Variants in AAMDC observed in about 807,000 individuals in gnomAD.
AAMDC encodes adipogenesis associated Mth938 domain containing.
Under a neutral mutation model 15.5 loss-of-function variants are expected in AAMDC, and 16 were observed. The ratio of observed to expected loss-of-function variants is 1.03; its 90% CI spans 0.70 to 1.57. The LOEUF (loss-of-function observed/expected upper bound fraction) is 1.57, where lower values mean the gene tolerates loss of function less well. Among genes scored for constraint, AAMDC ranks in the 40% most tolerant of loss-of-function variants. The probability of loss-of-function intolerance (pLI) is 0.00; values close to 1 mark genes in which losing one functional copy is unlikely to be tolerated. For missense variants in AAMDC, 141 were observed against 144.9 expected, an observed-to-expected ratio of 0.97 and a Z score of 0.14; for synonymous variants, 51 against 51.6, an observed-to-expected ratio of 0.99 and a Z score of 0.05.
intron 2 of AAMDC, chr11:77,869,316 T>TTC (rs202023611): frequency 3.7e-5 from 6 of 161,132 alleles, no homozygotes; most frequent in Non-Finnish European, 5.2e-5. Context: ...CTTTTTCTTT[T>TTC]TTTTTTTTTT....
intron 1 of AAMDC, among the ~76,000 whole-genome samples, chr11:77,835,243 C>A (rs1021226230): frequency 1.3e-5 from 2 of 152,116 alleles, no homozygotes; most frequent in Non-Finnish European, 2.9e-5. Flanking sequence ...CCCTTTGCCC[C>A]GTCCCACTTT....
chr11:77,885,964 G>A lies in AAMDC; in HGVS notation c.328+8915G>A, dbSNP rs73499836. Among the ~76,000 whole-genome samples, 536 of 152,264 alleles carry A rather than the reference G, an allele frequency of 3.5e-3. 7 individuals are homozygous for A. The highest frequency in any genetic ancestry group is 0.012 in the African/African-American group (496 of 41,534). On this transcript the variant is annotated intron_variant, in intron 5 of 5. Transcript: ENST00000304716. ...GCCTATAATCCCAGCATTTTGCGGG[G>A]CTGAGGCGGGAGGATTGCTTGAAGA...
chr11:77,879,046 C>T (rs1387356555), intron 5 of AAMDC: 2 of 1,614,032 alleles, frequency 1.2e-6, no homozygotes, highest in Non-Finnish European at 8.5e-7. Flanking sequence ...TGACATCTCA[C>T]CACCCTCCAT....
chr11:77,844,318 C>T (rs1320083789), intron 2 of AAMDC, among the ~76,000 whole-genome samples: 1 of 152,094 alleles, frequency 6.6e-6, no homozygotes, highest in African/African-American at 2.4e-5. Context: ...AAAGGACACA[C>T]ATATTAAGTC....
chr11:77,878,167 C>T (rs1028059891), intron 5 of AAMDC, among the ~76,000 whole-genome samples: 3 of 152,030 alleles, frequency 2.0e-5, no homozygotes, highest in East Asian at 3.9e-4. Context: ...TCAAGACCAT[C>T]CTGGCTAACA....
chr11:77,852,224 C>CAAAAAAAA lies in AAMDC; in HGVS notation c.132+9606_132+9613dup, dbSNP rs545742213. On this transcript the variant is annotated intron_variant, in intron 2 of 3. Transcript: ENST00000393427. The stretch of plus-strand genomic sequence containing the variant: ...TGGCCAACAGAATGAGACACTGTCT[C>CAAAAAAAA]AAAAAAAAAAAAAAAAAGAAGAAGA... 8.1e-4 allele frequency among the ~76,000 whole-genome samples: 27 copies of CAAAAAAAA among 33,426 alleles called. 1 individual carries two copies. Among genetic ancestry groups the CAAAAAAAA allele is most frequent in the African/African-American group, 2.9e-3 (16 of 5,596 alleles). 21.9% of individuals were successfully genotyped at this position (33,426 alleles called of 152,430 possible).
downstream of AAMDC, among the ~76,000 whole-genome samples, chr11:77,902,168 A>G: frequency 6.6e-6 from 1 of 152,130 alleles, no homozygotes; most frequent in African/African-American, 2.4e-5. Context: ...ATGACTCCAG[A>G]CTCTCTTACA....
intron 5 of AAMDC, among the ~76,000 whole-genome samples, chr11:77,896,803 T>C (rs1952543701): frequency 6.8e-6 from 1 of 147,482 alleles, no homozygotes; most frequent in African/African-American, 2.5e-5. Flanking sequence ...AAAGAAATAA[T>C]GGAGGAAAAA....
chr11:77,899,410 G>A (rs1204374225), intron 5 of AAMDC, among the ~76,000 whole-genome samples: 1 of 152,110 alleles, frequency 6.6e-6, no homozygotes, highest in Admixed American at 6.5e-5. Flanking sequence ...GGTGGCTCAC[G>A]CCTGTAATCC....
chr11:77,835,041 G>C (rs2136097108), intron 1 of AAMDC, among the ~76,000 whole-genome samples: 1 of 152,284 alleles, frequency 6.6e-6, no homozygotes, highest in South Asian at 2.1e-4. Flanking sequence ...TTGGAGACTA[G>C]TACTTCCTTA....
At chr11:77,830,453 G>T (rs562935503) in intron 1 of AAMDC, among the ~76,000 whole-genome samples, 2 of 151,922 alleles carry the variant, frequency 1.3e-5, no homozygotes, top group Admixed American at 1.3e-4. Flanking sequence ...CAAACCTGCC[G>T]TGAATCAAAC....
chr11:77,904,608 A>T (rs1591037794), downstream of AAMDC, among the ~76,000 whole-genome samples: 1 of 152,252 alleles, frequency 6.6e-6, no homozygotes, highest in Non-Finnish European at 1.5e-5. Context: ...CTATCAAATT[A>T]AACAGTGGTA....
intron 5 of AAMDC, among the ~76,000 whole-genome samples, chr11:77,890,871 A>T (rs1417994109): frequency 2.6e-5 from 4 of 152,216 alleles, no homozygotes; most frequent in Non-Finnish European, 5.9e-5. Flanking sequence ...ACATCTATGT[A>T]ACTTGGGAAA....
intron 2 of AAMDC, among the ~76,000 whole-genome samples, chr11:77,848,577 C>T (rs1052604346): frequency 4.6e-5 from 7 of 152,156 alleles, no homozygotes; most frequent in African/African-American, 1.7e-4. Context: ...CCAGGTTGGT[C>T]TCGAACGCCT....
chr11:77,856,975 A>T (rs967604930), intron 2 of AAMDC, among the ~76,000 whole-genome samples: 1 of 152,210 alleles, frequency 6.6e-6, no homozygotes, highest in South Asian at 2.1e-4. Context: ...GCATGTTAGA[A>T]TCCTTCATTT....
chr11:77,859,167 G>A (rs1167653928), intron 2 of AAMDC, among the ~76,000 whole-genome samples: 1 of 152,188 alleles, frequency 6.6e-6, no homozygotes, highest in African/African-American at 2.4e-5. Context: ...TCCTCCTGAG[G>A]TTCCCCATTC....
At chr11:77,867,332 C>T (rs750472858) in intron 2 of AAMDC, among the ~76,000 whole-genome samples, 27 of 152,272 alleles carry the variant, frequency 1.8e-4, no homozygotes, top group Middle Eastern at 3.4e-3. Context: ...TATTCATTTT[C>T]ATACTTCGAG....
chr11:77,904,443 C>T (rs1952878282), downstream of AAMDC, among the ~76,000 whole-genome samples: 1 of 152,156 alleles, frequency 6.6e-6, no homozygotes, highest in Admixed American at 6.5e-5. Context: ...AAGATATTAA[C>T]ATTTCACCAT....
chr11:77,882,337 G>A (rs1590995961), intron 5 of AAMDC, among the ~76,000 whole-genome samples: 1 of 152,282 alleles, frequency 6.6e-6, no homozygotes, highest in South Asian at 2.1e-4. Context: ...GAGCTTGGGG[G>A]CAGATCAGCT....
Sources: allele counts gnomAD v4.1 joint callset (sites outside exome capture counted in the v4.1 genomes callset), GRCh38; gene constraint gnomAD v4.1.1; transcripts MANE v1.5; gene names NCBI Gene and HGNC (gene_info 2026-07-23, HGNC 2026-07-21).